Variants in TECRL observed in about 807,000 individuals in gnomAD.
The protein encoded by TECRL is trans-2,3-enoyl-CoA reductase like, also known as trans-2,3-enoyl-CoA reductase-like.
A neutral mutation model predicts 52.8 loss-of-function variants in TECRL; 63 were observed. The observed-to-expected ratio is 1.19, with a 90% confidence interval of 0.97 to 1.47. The LOEUF (loss-of-function observed/expected upper bound fraction) is 1.47. Ranked by LOEUF, TECRL falls within the 40% of genes most tolerant of loss-of-function variation. The probability of loss-of-function intolerance (pLI) is 0.00; values close to 1 mark genes in which losing one functional copy is unlikely to be tolerated. For synonymous variants in TECRL, 164 were observed against 141.9 expected, an observed-to-expected ratio of 1.16 and a Z score of -1.10; for missense variants, 482 against 429.6, an observed-to-expected ratio of 1.12 and a Z score of -1.08.
chr4:64,325,869 C>G (rs999272525), intron 3 of TECRL, among the ~76,000 whole-genome samples: 4 of 152,136 alleles, frequency 2.6e-5, no homozygotes, highest in African/African-American at 7.2e-5. Context: ...GAAAAAATGA[C>G]TTGATAAAAT....
At chr4:64,366,787 T>C (rs1258102533) in intron 2 of TECRL, among the ~76,000 whole-genome samples, 1 of 152,160 alleles carries the variant, frequency 6.6e-6, no homozygotes, top group Non-Finnish European at 1.5e-5. Flanking sequence ...GGGACACTTA[T>C]ACACTATTGG....
At chr4:64,350,226 C>A (rs1451991701) in intron 2 of TECRL, among the ~76,000 whole-genome samples, 2 of 152,128 alleles carry the variant, frequency 1.3e-5, no homozygotes, top group African/African-American at 4.8e-5. Context: ...GATTTATTTT[C>A]TCAACAAGAG....
intron 1 of TECRL, among the ~76,000 whole-genome samples, chr4:64,382,403 T>G (rs183104968): frequency 6.7e-6 from 1 of 149,454 alleles, no homozygotes; most frequent in African/African-American, 2.5e-5. Flanking sequence ...AGGTGTTTGT[T>G]GTTAGTGTAT....
chr4:64,408,462 T>C (rs1200156212), intron 1 of TECRL, among the ~76,000 whole-genome samples: 1 of 151,952 alleles, frequency 6.6e-6, no homozygotes, highest in East Asian at 1.9e-4. Flanking sequence ...TAATTTAGTT[T>C]TCTAACCTAA....
At chr4:64,337,498 C>A (rs1207168456) in intron 2 of TECRL, among the ~76,000 whole-genome samples, 1 of 152,150 alleles carries the variant, frequency 6.6e-6, no homozygotes, top group African/African-American at 2.4e-5. Flanking sequence ...TCCCTGTTTG[C>A]AGATGACATG....
chr4:64,292,031 T>C (rs1285965452), intron 8 of TECRL, among the ~76,000 whole-genome samples: 1 of 152,132 alleles, frequency 6.6e-6, no homozygotes, highest in East Asian at 1.9e-4. Context: ...CACCTTCAGG[T>C]GAATCCAATA....
At chr4:64,363,093 G>C (rs536664831) in intron 2 of TECRL, among the ~76,000 whole-genome samples, 18 of 150,908 alleles carry the variant, frequency 1.2e-4, no homozygotes, top group Non-Finnish European at 1.9e-4. Context: ...AAAGTACAAA[G>C]GAGGACATTA....
chr4:64,334,055 AGAGAG>A (rs1458857223), intron 2 of TECRL, among the ~76,000 whole-genome samples: 1 of 123,036 alleles, frequency 8.1e-6, no homozygotes, highest in Non-Finnish European at 1.7e-5. Context: ...AAAAAGAAAA[AGAGAG>A]AATGTCCTGT....
At chr4:64,364,083 A>C (rs909354316) in intron 2 of TECRL, among the ~76,000 whole-genome samples, 1 of 152,132 alleles carries the variant, frequency 6.6e-6, no homozygotes. Flanking sequence ...GCAAAATAAA[A>C]ATAGAAATCA....
At chr4:64,394,854 G>A (rs1490668751) in intron 1 of TECRL, among the ~76,000 whole-genome samples, 2 of 149,190 alleles carry the variant, frequency 1.3e-5, no homozygotes, top group African/African-American at 2.5e-5. Flanking sequence ...AAAAAATTGA[G>A]ATCATGAAAT....
chr4:64,386,249 G>T (rs955998960), intron 1 of TECRL, among the ~76,000 whole-genome samples: 6 of 151,974 alleles, frequency 3.9e-5, no homozygotes, highest in Non-Finnish European at 8.8e-5. Context: ...ATTATATATG[G>T]TATTCTCAAA....
chr4:64,285,073 C>A (rs1435101346), intron 9 of TECRL, among the ~76,000 whole-genome samples: 1 of 152,006 alleles, frequency 6.6e-6, no homozygotes, highest in East Asian at 1.9e-4. Context: ...GGTAATTTAT[C>A]CAGATCATAA....
At chr4:64,291,910 AAAC>A (rs1723411814) in intron 8 of TECRL, among the ~76,000 whole-genome samples, 1 of 151,978 alleles carries the variant, frequency 6.6e-6, no homozygotes, top group Admixed American at 6.6e-5. Context: ...TGGGGAGAAA[AAAC>A]AACTATATCT....
chr4:64,287,235 A>G (rs9312128), intron 9 of TECRL, among the ~76,000 whole-genome samples: 68 of 152,302 alleles, frequency 4.5e-4, no homozygotes, highest in African/African-American at 1.6e-3. Flanking sequence ...ATTTATCACC[A>G]ATACTCAAAA....
chr4:64,348,417 A>T (rs1052636631), intron 2 of TECRL, among the ~76,000 whole-genome samples: 2 of 152,214 alleles, frequency 1.3e-5, no homozygotes, highest in African/African-American at 4.8e-5. Flanking sequence ...ATTCAAGGCA[A>T]GATTTGTGTG....
At position 64,366,549 on chromosome 4, in the gene TECRL, A is replaced by G. The variant is rs180836735; in HGVS notation, c.286+8623T>C. ...GTCTAGTATCCAGCTCCTAGCAGGA[A>G]CTTAAACAATTGAATAAGCATATAA... On this transcript the variant is annotated intron_variant, in intron 2 of 11. Coordinates refer to ENST00000381210, the MANE Select transcript of TECRL (RefSeq NM_001010874.5). Among the ~76,000 whole-genome samples, 317 of 152,282 alleles carry G rather than the reference A, an allele frequency of 2.1e-3. 2 individuals carry two copies. The highest frequency in any genetic ancestry group is 7.4e-3 in the African/African-American group (308 of 41,576).
intron 2 of TECRL, among the ~76,000 whole-genome samples, chr4:64,374,556 C>T (rs968209031): frequency 1.3e-5 from 2 of 151,816 alleles, no homozygotes; most frequent in African/African-American, 4.8e-5. Flanking sequence ...TGCTATCCCT[C>T]CCCGCTCCCC....
intron 2 of TECRL, among the ~76,000 whole-genome samples, chr4:64,341,804 A>T (rs1719590439): frequency 6.6e-6 from 1 of 152,134 alleles, no homozygotes; most frequent in Admixed American, 6.5e-5. Flanking sequence ...CAGCTGGGGA[A>T]GCAGCTTGTG....
At chr4:64,389,187 T>C (rs1249341527) in intron 1 of TECRL, among the ~76,000 whole-genome samples, 2 of 151,980 alleles carry the variant, frequency 1.3e-5, no homozygotes, top group Non-Finnish European at 2.9e-5. Context: ...CATCCTTTCC[T>C]TCTTTCTGAT....
Sources: allele counts gnomAD v4.1 joint callset (sites outside exome capture counted in the v4.1 genomes callset), GRCh38; gene constraint gnomAD v4.1.1; transcripts MANE v1.5; gene names NCBI Gene and HGNC (gene_info 2026-07-23, HGNC 2026-07-21).